PTK2: variants seen among roughly 807,000 people sequenced by gnomAD.
PTK2 encodes protein tyrosine kinase 2, also known as focal adhesion kinase 1.
In PTK2, 45 loss-of-function variants were observed where a neutral mutation model predicts 150.1. The ratio of observed to expected loss-of-function variants is 0.30; its 90% confidence interval spans 0.24 to 0.38. PTK2 has a LOEUF of 0.38. Ranked by LOEUF, PTK2 falls within the 10% of genes least tolerant of loss-of-function variation. The probability of loss-of-function intolerance (pLI) is 1.00; values close to 1 mark genes in which losing one functional copy is unlikely to be tolerated. For synonymous variants in PTK2, 432 were observed against 449.2 expected (o/e 0.96, Z 0.48); for missense variants, 919 against 1,307.3 (o/e 0.70, Z 4.58).
intron 4 of PTK2, among the ~76,000 whole-genome samples, chr8:140,874,644 C>T (rs1226284353): frequency 6.6e-6 from 1 of 152,066 alleles, no homozygotes; most frequent in Non-Finnish European, 1.5e-5. Context: ...CAAAGTATGG[C>T]TTTCTCACAA....
chr8:140,808,733 GTTTTTTTTTTTT>G (rs57600032), intron 10 of PTK2, among the ~76,000 whole-genome samples: 14 of 116,594 alleles, frequency 1.2e-4, no homozygotes, highest in Non-Finnish European at 2.1e-4. Flanking sequence ...TTTTGTTCTT[GTTTTTTTTTTTT>G]TTTTTTTTGA....
At chr8:140,949,665 G>T (rs1193286220) in intron 1 of PTK2, among the ~76,000 whole-genome samples, 1 of 152,254 alleles carries the variant, frequency 6.6e-6, no homozygotes, top group Admixed American at 6.5e-5. Context: ...GCACGGGAGG[G>T]AGGCCAAGGG....
intron 1 of PTK2, among the ~76,000 whole-genome samples, chr8:140,928,794 G>A (rs2100170632): frequency 6.6e-6 from 1 of 152,044 alleles, no homozygotes; most frequent in Admixed American, 6.5e-5. Flanking sequence ...TGGAAGGAGA[G>A]AAGCTGCTTT....
chr8:140,971,002 A>G (rs2100187064), intron 1 of PTK2, among the ~76,000 whole-genome samples: 1 of 152,208 alleles, frequency 6.6e-6, no homozygotes, highest in Admixed American at 6.5e-5. Context: ...AGTCAAAAAA[A>G]GGCAAATATT....
chr8:140,790,949 C>T (rs1254120374), intron 13 of PTK2, among the ~76,000 whole-genome samples: 1 of 152,164 alleles, frequency 6.6e-6, no homozygotes, highest in Non-Finnish European at 1.5e-5. Context: ...GTCTGCGCCA[C>T]AATTATGTAT....
At chr8:140,824,943 C>A (rs2100110986) in intron 8 of PTK2, among the ~76,000 whole-genome samples, 1 of 152,084 alleles carries the variant, frequency 6.6e-6, no homozygotes, top group Admixed American at 6.6e-5. Context: ...CTAGGATGAA[C>A]CATAAGAAAC....
chr8:140,702,861 AAT>A (rs2100031535), intron 24 of PTK2, 154 bp from the exon 28 acceptor site: 4 of 903,644 alleles, frequency 4.4e-6, no homozygotes, highest in African/African-American at 1.7e-5. Context: ...TGAACATGTG[AAT>A]ATGTTTCCTT....
intron 15 of PTK2, 61 bp from the exon 19 acceptor site, chr8:140,761,323 CTT>C (rs777517212): frequency 4.0e-5 from 51 of 1,285,686 alleles, no homozygotes; most frequent in African/African-American, 5.8e-5. Flanking sequence ...AGAAATAACA[CTT>C]GACGTATTTC....
At chr8:140,732,511 C>T (rs1379824283) in intron 22 of PTK2, 1 of 520,534 alleles carries the variant, frequency 1.9e-6, no homozygotes, top group Non-Finnish European at 3.9e-6. Context: ...GCCTGGGTGA[C>T]TCTTCCTGTA....
At chr8:140,965,214 T>C (rs1587814415) in intron 1 of PTK2, among the ~76,000 whole-genome samples, 1 of 152,348 alleles carries the variant, frequency 6.6e-6, no homozygotes, top group Non-Finnish European at 1.5e-5. Context: ...CTGTCTCTTA[T>C]GAATCCTACA....
At chr8:140,818,541 G>C (rs950290635) in intron 9 of PTK2, among the ~76,000 whole-genome samples, 187 bp from the exon 10 acceptor site, 1 of 152,190 alleles carries the variant, frequency 6.6e-6, no homozygotes, top group Non-Finnish European at 1.5e-5. Context: ...CCTGCACAAA[G>C]TGCACTGTGC....
At chr8:140,727,838 C>T (rs541221645) in intron 22 of PTK2, among the ~76,000 whole-genome samples, 8 of 152,028 alleles carry the variant, frequency 5.3e-5, no homozygotes, top group Non-Finnish European at 1.2e-4. Flanking sequence ...AATACTCATT[C>T]AAATCTCACA....
At chr8:140,914,021 C>T (rs912186872) in intron 2 of PTK2, among the ~76,000 whole-genome samples, 32 of 152,024 alleles carry the variant, frequency 2.1e-4, no homozygotes, top group African/African-American at 7.5e-4. Context: ...TTGGGTTCAA[C>T]GTCAAACTTC....
chr8:140,998,908 T>C (rs2100198896), intron 1 of PTK2, among the ~76,000 whole-genome samples: 1 of 152,168 alleles, frequency 6.6e-6, no homozygotes, highest in South Asian at 2.1e-4. Flanking sequence ...AACATGATTT[T>C]GAGGACTGAG....
intron 5 of PTK2, among the ~76,000 whole-genome samples, chr8:140,848,810 C>T (rs774881213): frequency 2.6e-5 from 4 of 152,102 alleles, no homozygotes; most frequent in Middle Eastern, 3.2e-3. Context: ...AAAATACCAC[C>T]GTTACTCTGA....
intron 1 of PTK2, among the ~76,000 whole-genome samples, chr8:140,946,579 A>G (rs974416840): frequency 6.6e-6 from 1 of 152,208 alleles, no homozygotes; most frequent in Non-Finnish European, 1.5e-5. Flanking sequence ...AAGCAGATGG[A>G]AGACCGGACA....
chr8:140,893,612 C>T (rs1310205506), intron 2 of PTK2, among the ~76,000 whole-genome samples: 1 of 152,130 alleles, frequency 6.6e-6, no homozygotes, highest in Admixed American at 6.5e-5. Flanking sequence ...AGATTACTGG[C>T]TGCCAGTGGC....
intron 2 of PTK2, among the ~76,000 whole-genome samples, chr8:140,917,560 T>A (rs6987946): frequency 6.6e-6 from 1 of 151,976 alleles, no homozygotes; most frequent in South Asian, 2.1e-4. Context: ...AAGTTTGACA[T>A]GGAAGATTTA....
At chr8:140,951,929 A>G (rs1228465755) in intron 1 of PTK2, among the ~76,000 whole-genome samples, 4 of 152,000 alleles carry the variant, frequency 2.6e-5, no homozygotes, top group African/African-American at 7.2e-5. Flanking sequence ...TTAAGTTCCA[A>G]TGAGCCAATG....
Sources: gnomAD v4.1 joint callset for allele counts (sites outside exome capture counted in the v4.1 genomes callset) on GRCh38, gnomAD v4.1.1 for gene constraint, MANE v1.5 for transcripts, NCBI Gene and HGNC (gene_info 2026-07-23, HGNC 2026-07-21) for gene names.